The following ALDH1A1 variants were observed in gnomAD, a reference collection of about 807,000 sequenced individuals.
The protein encoded by ALDH1A1 is aldehyde dehydrogenase 1 family member A1.
Under a neutral mutation model 62.1 loss-of-function variants are expected in ALDH1A1, and 19 were observed. The ratio of observed to expected loss-of-function variants is 0.31; its 90% CI spans 0.21 to 0.45. ALDH1A1 has a LOEUF of 0.45. Ranked by LOEUF, ALDH1A1 falls within the 20% of genes least tolerant of loss-of-function variation. ALDH1A1 has a pLI of 1.00. For synonymous variants in ALDH1A1, 231 were observed against 215.9 expected (o/e 1.07, Z -0.61); for missense variants, 521 against 607.1 (o/e 0.86, Z 1.49).
Position 72,953,008 on chromosome 9 carries a change from T to A in ALDH1A1, c.-8A>T. 1 of 1,612,958 alleles carries A rather than the reference T, an allele frequency of 6.2e-7. No individual in the cohort carries two copies. The highest frequency in any genetic ancestry group is 1.3e-5 in the African/African-American group (1 of 74,808). Reference sequence around the variant, plus strand: ...CGTGCCTGAGGATGACATTTCTGATTCGGCTCCTGGAACACAGGTGACTGG... The same window carrying A: ...CGTGCCTGAGGATGACATTTCTGATACGGCTCCTGGAACACAGGTGACTGG... On this transcript the variant is annotated 5_prime_UTR_variant, in exon 1 of 13. Coordinates refer to ENST00000297785, the MANE Select transcript of ALDH1A1 (RefSeq NM_000689.5).
In ALDH1A1 at chr9:72,911,974, C is replaced by A; in HGVS notation, c.1184G>T (p.Arg395Leu). 2 of 1,613,918 alleles carry A rather than the reference C, an allele frequency of 1.2e-6. No homozygotes were observed. Among genetic ancestry groups the A allele is most frequent in the Non-Finnish European group, 8.5e-7 (1 of 1,179,866 alleles). ...GCCATTTACCTCCTCTTTGGCAATGCGCATCTCATCTGTAACATTAGAGAA... is the reference window on the plus strand; with the variant it reads ...GCCATTTACCTCCTCTTTGGCAATGAGCATCTCATCTGTAACATTAGAGAA... The part of the protein sequence containing the change: ...TVFSNVTDEM[R>L]IAKEEIFGPV... Residue 395 changes from arginine (R) to leucine (L), a missense_variant, in exon 10 of 13, where the codon CGC becomes CTC. Transcript: ENST00000297785.
At chr9:72,942,948 A>G (rs1201338682) in intron 1 of ALDH1A1, among the ~76,000 whole-genome samples, 1 of 152,128 alleles carries the variant, frequency 6.6e-6, no homozygotes, top group East Asian at 1.9e-4. Context: ...TTAATGTTAG[A>G]TATCTACATA....
chr9:72,909,789 T>G (rs750046574), intron 10 of ALDH1A1, 30 bp from the exon 11 acceptor site: 1 of 1,543,454 alleles, frequency 6.5e-7, no homozygotes, highest in Admixed American at 1.8e-5. Context: ...TAAGTAAAAA[T>G]AATAGGTTAA....
rs539350021 is a variant in ALDH1A1 at position 72,925,417 on chromosome 9, T to C, written c.633+67A>G. ...TAATGTACTTTATAGTAGCAACAAA[T>C]GAGGTCTTCCTATTGTAATTTAGGA... On this transcript the variant is annotated intron_variant, in intron 6 of 12. Coordinates refer to ENST00000297785, the MANE Select transcript of ALDH1A1 (RefSeq NM_000689.5). The C allele has an allele frequency of 2.4e-5, 37 of 1,555,700 alleles. No individual in the cohort carries two copies. The East Asian group carries it at 7.7e-4, about 32-fold the overall frequency.
Position 72,924,027 on chromosome 9 carries a change from A to G in ALDH1A1, c.739T>C (p.Ser247Pro). 6.2e-7 allele frequency: 1 copy of G among 1,602,862 alleles called. No homozygotes were observed. The highest frequency in any genetic ancestry group is 2.3e-5 in the East Asian group (1 of 44,124). ...TGAGTAAATAATATTACCTCTGTTG[A>G]TCCTGTGAAGGCTACTTTGTCTATA... ...MDIDKVAFTG[S>P]TEVGKLIKEA... Residue 247 changes from serine to proline, a missense_variant, in exon 7 of 13, where the codon TCA (serine) becomes CCA (proline). Transcript: ENST00000297785.
intron 4 of ALDH1A1, among the ~76,000 whole-genome samples, chr9:72,927,886 C>T (rs1830230561): frequency 6.6e-6 from 1 of 151,574 alleles, no homozygotes; most frequent in South Asian, 2.1e-4. Flanking sequence ...AATTTATGTG[C>T]CCCGAAGTTT....
intron 11 of ALDH1A1, among the ~76,000 whole-genome samples, chr9:72,908,603 GAAAGAAAGAAAGAAAGAAAGAAA>G (rs1204966514): frequency 9.7e-5 from 14 of 143,690 alleles, no homozygotes; most frequent in South Asian, 9.1e-4. Context: ...AAGAAAGAAA[GAAAGAAAGAAAGAAAGAAAGAAA>G]GAGAATATTG....
chr9:72,939,463 A>G (rs1167025627), intron 2 of ALDH1A1, among the ~76,000 whole-genome samples: 1 of 152,174 alleles, frequency 6.6e-6, no homozygotes, highest in Non-Finnish European at 1.5e-5. Context: ...TATTGTTCTA[A>G]AAGTTCTATA....
At chr9:72,905,136 C>T (rs936206307) in intron 12 of ALDH1A1, among the ~76,000 whole-genome samples, 1 of 152,032 alleles carries the variant, frequency 6.6e-6, no homozygotes, top group South Asian at 2.1e-4. Context: ...AGCAAGTTTA[C>T]GATCTGTGTT....
At chr9:72,938,954 G>A (rs1830379806) in intron 2 of ALDH1A1, among the ~76,000 whole-genome samples, 1 of 150,994 alleles carries the variant, frequency 6.6e-6, no homozygotes, top group Non-Finnish European at 1.5e-5. Context: ...TGTTGGTCAG[G>A]TTGGTCTCAA....
intron 6 of ALDH1A1, among the ~76,000 whole-genome samples, chr9:72,924,967 T>C (rs779195304): frequency 2.0e-4 from 31 of 152,184 alleles, no homozygotes; most frequent in Non-Finnish European, 4.3e-4. Flanking sequence ...GGAAGATAAA[T>C]GCAGAGGAAC....
At chr9:72,936,895 A>C (rs1385257969) in intron 2 of ALDH1A1, among the ~76,000 whole-genome samples, 1 of 152,188 alleles carries the variant, frequency 6.6e-6, no homozygotes, top group Non-Finnish European at 1.5e-5. Flanking sequence ...TTCAAGATGC[A>C]TTCCCTCACC....
chr9:72,920,776 G>T (rs927043036), intron 7 of ALDH1A1, among the ~76,000 whole-genome samples: 10 of 152,144 alleles, frequency 6.6e-5, no homozygotes, highest in Non-Finnish European at 1.2e-4. Flanking sequence ...AAAAGTAAAC[G>T]TTTATCATTT....
At chr9:72,939,740 A>G (rs1363651451) in intron 2 of ALDH1A1, among the ~76,000 whole-genome samples, 2 of 151,970 alleles carry the variant, frequency 1.3e-5, no homozygotes, top group African/African-American at 4.8e-5. Context: ...CTGGTCTCGA[A>G]CTCGTGACCT....
chr9:72,943,553 C>G (rs1482579686), intron 1 of ALDH1A1, among the ~76,000 whole-genome samples: 1 of 152,100 alleles, frequency 6.6e-6, no homozygotes, highest in African/African-American at 2.4e-5. Context: ...TGTAGAGGAC[C>G]CCAAATTACC....
chr9:72,937,527 A>G (rs779595591), intron 2 of ALDH1A1, among the ~76,000 whole-genome samples: 10 of 152,158 alleles, frequency 6.6e-5, no homozygotes, highest in Non-Finnish European at 8.8e-5. Context: ...CTATCTCCTC[A>G]TTTTACATGA....
intron 9 of ALDH1A1, among the ~76,000 whole-genome samples, chr9:72,914,827 C>A (rs558808681): frequency 2.0e-5 from 3 of 151,842 alleles, no homozygotes; most frequent in Non-Finnish European, 2.9e-5. Context: ...TAAAACAAAT[C>A]GTTTTGACCA....
At chr9:72,951,411 T>A (rs1830543014) in intron 1 of ALDH1A1, among the ~76,000 whole-genome samples, 1 of 151,644 alleles carries the variant, frequency 6.6e-6, no homozygotes, top group Non-Finnish European at 1.5e-5. Context: ...TTCCTTGAAA[T>A]ACACACACAA....
chr9:72,939,171 T>C (rs1446467324), intron 2 of ALDH1A1, among the ~76,000 whole-genome samples: 3 of 152,142 alleles, frequency 2.0e-5, no homozygotes, highest in Non-Finnish European at 2.9e-5. Context: ...CTTGAGTAAA[T>C]TACTCAGCCT....
Sources: gnomAD v4.1 joint callset for allele counts (sites outside exome capture counted in the v4.1 genomes callset) on GRCh38, gnomAD v4.1.1 for gene constraint, MANE v1.5 for transcripts, NCBI Gene and HGNC (gene_info 2026-07-23, HGNC 2026-07-21) for gene names.